Variants in RALY observed in about 807,000 individuals in gnomAD.
RALY encodes the protein RNA-binding protein Raly.
A neutral mutation model predicts 30.7 loss-of-function variants in RALY; 15 were observed. The observed-to-expected ratio is 0.49, with a 90% CI of 0.33 to 0.75. The LOEUF is 0.75. Ranked by LOEUF, RALY falls within the 30% of genes least tolerant of loss-of-function variation. The probability of loss-of-function intolerance (pLI) is 0.02; values close to 1 mark genes in which losing one functional copy is unlikely to be tolerated. For missense variants in RALY, 339 were observed against 414.3 expected (o/e 0.82, Z 1.58); for synonymous variants, 177 against 170.8 (o/e 1.04, Z -0.28).
chr20:34,022,094 C>CTTTCT (rs2031849134), intron 1 of RALY, among the ~76,000 whole-genome samples: 1 of 135,134 alleles, frequency 7.4e-6, no homozygotes, highest in South Asian at 2.4e-4. Flanking sequence ...TTCTTTCTTT[C>CTTTCT]TTTTTTTTTT....
At chr20:34,003,647 T>G (rs1401658489) in intron 1 of RALY, among the ~76,000 whole-genome samples, 3 of 146,126 alleles carry the variant, frequency 2.1e-5, no homozygotes, top group Non-Finnish European at 4.5e-5. Context: ...TTTTTTTTTT[T>G]TTTTTTTTTT....
chr20:34,063,270 T>C (rs1205256489), intron 2 of RALY, among the ~76,000 whole-genome samples: 2 of 152,226 alleles, frequency 1.3e-5, no homozygotes, highest in African/African-American at 4.8e-5. Context: ...GAGTACCTTT[T>C]GTGGTCACAT....
At chr20:34,072,688 G>A (rs1245746408) in intron 3 of RALY, among the ~76,000 whole-genome samples, 1 of 152,180 alleles carries the variant, frequency 6.6e-6, no homozygotes, top group Non-Finnish European at 1.5e-5. Flanking sequence ...GAGCGAGCAG[G>A]AGGGCCTGAG....
intron 9 of RALY, among the ~76,000 whole-genome samples, chr20:34,079,178 C>T (rs1338715196): frequency 6.6e-6 from 1 of 152,184 alleles, no homozygotes; most frequent in African/African-American, 2.4e-5. Flanking sequence ...CCCTGTGTGA[C>T]AGGAGCTGCA....
chr20:34,049,880 A>G (rs1006918450), intron 2 of RALY, among the ~76,000 whole-genome samples: 3 of 152,150 alleles, frequency 2.0e-5, no homozygotes, highest in East Asian at 3.8e-4. Flanking sequence ...TCTATCCCCT[A>G]CTTAGTGGCA....
chr20:34,013,939 G>C (rs766182321), intron 1 of RALY, among the ~76,000 whole-genome samples: 8 of 152,174 alleles, frequency 5.3e-5, no homozygotes, highest in Non-Finnish European at 1.2e-4. Flanking sequence ...TAAAGAAGAG[G>C]CTTAATTTGG....
At chr20:34,025,111 C>G (rs140445670) in intron 1 of RALY, among the ~76,000 whole-genome samples, 73 of 152,300 alleles carry the variant, frequency 4.8e-4, no homozygotes, top group African/African-American at 1.7e-3. Flanking sequence ...AGTGCTGACT[C>G]TAGCAGAAAT....
intron 1 of RALY, among the ~76,000 whole-genome samples, chr20:34,018,785 A>C (rs2031705281): frequency 6.6e-6 from 1 of 152,036 alleles, no homozygotes; most frequent in Non-Finnish European, 1.5e-5. Context: ...CCCTAATCTC[A>C]ATAGAGGTTC....
rs2030456714 is a variant in RALY at position 33,994,134 on chromosome 20, G to A, written c.-93+3G>A. On this transcript the variant is annotated splice_donor_region_variant and intron_variant, in intron 1 of 9. Coordinates refer to ENST00000246194, the MANE Select transcript of RALY (RefSeq NM_016732.3). ...TTCCTCCAGACCTCTCGGCGCGGGT[G>A]AGTGGGGACTGCGGGCGTCTCCTTA... 1 of 152,346 alleles carries A rather than the reference G, an allele frequency of 6.6e-6. No individual in the cohort carries two copies. Among genetic ancestry groups the A allele is most frequent in the Non-Finnish European group, 1.5e-5 (1 of 68,120 alleles). The allele number at this position is 152,346 out of a possible 1,614,324, so 9.4% of individuals were successfully genotyped here.
At chr20:34,044,415 G>A (rs777496888) in intron 2 of RALY, among the ~76,000 whole-genome samples, 12 of 151,900 alleles carry the variant, frequency 7.9e-5, no homozygotes, top group Non-Finnish European at 1.5e-4. Context: ...CAACCTCCTA[G>A]GTTCAAGTGA....
chr20:34,076,791 G>T lies in RALY; in HGVS notation c.634G>T (p.Ala212Ser). Reference protein sequence around the residue: ...DALLSRLEQIAAEQKANPDGK... With the variant: ...DALLSRLEQISAEQKANPDGK... ...CCTGCTGAGCCGCTTGGAGCAGATCGCTGCGGAGCAAAAGGCCAATCCAGG... is the reference window on the plus strand; with the variant it reads ...CCTGCTGAGCCGCTTGGAGCAGATCTCTGCGGAGCAAAAGGCCAATCCAGG... Residue 212 changes from alanine to serine, a missense_variant, in exon 7 of 10, where the codon GCT becomes TCT. Ala to Ser is a moderately conservative substitution (Grantham distance 99). Coordinates refer to ENST00000246194, the MANE Select transcript of RALY (RefSeq NM_016732.3). 1 of 1,614,068 alleles carries T rather than the reference G, an allele frequency of 6.2e-7. No homozygotes were observed.
At chr20:34,062,875 C>T (rs531139948) in intron 2 of RALY, among the ~76,000 whole-genome samples, 1 of 152,310 alleles carries the variant, frequency 6.6e-6, no homozygotes, top group Non-Finnish European at 1.5e-5. Flanking sequence ...GGGGCGGGGG[C>T]CATCCCCAAA....
chr20:34,015,764 C>T (rs1390363921), intron 1 of RALY, among the ~76,000 whole-genome samples: 1 of 152,108 alleles, frequency 6.6e-6, no homozygotes, highest in Non-Finnish European at 1.5e-5. Context: ...TCTGTTTTCT[C>T]ATGCATACAG....
chr20:34,008,671 T>C (rs1222321454), intron 1 of RALY, among the ~76,000 whole-genome samples: 1 of 152,194 alleles, frequency 6.6e-6, no homozygotes, highest in Non-Finnish European at 1.5e-5. Flanking sequence ...CATTGTTTTT[T>C]AAATTGAGAC....
chr20:34,019,138 G>A (rs1291789424), intron 1 of RALY, among the ~76,000 whole-genome samples: 1 of 152,062 alleles, frequency 6.6e-6, no homozygotes, highest in Non-Finnish European at 1.5e-5. Context: ...GCCTGGCCAA[G>A]TTGGTGAAAC....
At chr20:34,000,233 G>A (rs56302620) in intron 1 of RALY, among the ~76,000 whole-genome samples, 9 of 152,144 alleles carry the variant, frequency 5.9e-5, no homozygotes, top group African/African-American at 2.2e-4. Flanking sequence ...GGAATAAATA[G>A]GAAGTCTTGT....
intron 1 of RALY, among the ~76,000 whole-genome samples, chr20:34,029,461 G>GAGGGAGGGAGGGAGGAA (rs1258418951): frequency 8.1e-6 from 1 of 123,812 alleles, no homozygotes; most frequent in East Asian, 2.4e-4. Context: ...AGGAAGAAAG[G>GAGGGAGGGAGGGAGGAA]AGGGAGGGAG....
Position 34,010,389 on chromosome 20 carries a change from CTGT to C in RALY, c.-93+16263_-93+16265del, listed in dbSNP as rs557747212. 2.7e-3 allele frequency among the ~76,000 whole-genome samples: 404 copies of C among 152,220 alleles called. 1 individual carries two copies. Among genetic ancestry groups the C allele is most frequent in the African/African-American group, 9.4e-3 (391 of 41,540 alleles). On this transcript the variant is annotated intron_variant, in intron 1 of 9. Transcript: ENST00000246194. ...GACTACAGGCACGCACCACCATGTC[CTGT>C]TGTTTTTATTTTTTTATTTTGTAGG...
intron 1 of RALY, among the ~76,000 whole-genome samples, chr20:33,998,650 C>T (rs2030755597): frequency 6.6e-6 from 1 of 152,068 alleles, no homozygotes; most frequent in Non-Finnish European, 1.5e-5. Context: ...GTTTGGACTT[C>T]ATCCGGAGGT....
Sources: gnomAD v4.1 joint callset for allele counts (sites outside exome capture counted in the v4.1 genomes callset) on GRCh38, gnomAD v4.1.1 for gene constraint, MANE v1.5 for transcripts, NCBI Gene and HGNC (gene_info 2026-07-23, HGNC 2026-07-21) for gene names.